GLI3: variants seen among roughly 807,000 people sequenced by gnomAD.
The protein encoded by GLI3 is GLI family zinc finger 3, also known as transcription activator GLI3.
In GLI3, 20 loss-of-function variants were observed where a neutral mutation model predicts 100.8. That is an observed-to-expected ratio of 0.20 (90% CI 0.14 to 0.29). GLI3 has a LOEUF of 0.29. GLI3 is among the 10% of genes least tolerant of loss of function. The probability of loss-of-function intolerance (pLI) is 1.00; values close to 1 mark genes in which losing one functional copy is unlikely to be tolerated. For missense variants in GLI3, 2,040 were observed against 2,128.5 expected (o/e 0.96, Z 0.82); for synonymous variants, 938 against 860.5 (o/e 1.09, Z -1.58).
At chr7:42,199,834 T>C (rs975263121) in intron 2 of GLI3, among the ~76,000 whole-genome samples, 1 of 152,114 alleles carries the variant, frequency 6.6e-6, no homozygotes, top group Non-Finnish European at 1.5e-5. Context: ...GGCAGGCGGA[T>C]CACATAAGGT....
intron 1 of GLI3, among the ~76,000 whole-genome samples, chr7:42,226,343 G>A (rs564312685): frequency 1.3e-5 from 2 of 152,250 alleles, no homozygotes; most frequent in South Asian, 4.1e-4. Flanking sequence ...CAGGAGACAA[G>A]TTCCCAAAAT....
chr7:42,239,445 C>CT (rs1272904836), upstream of GLI3, among the ~76,000 whole-genome samples: 1 of 152,198 alleles, frequency 6.6e-6, no homozygotes, highest in East Asian at 1.9e-4. Flanking sequence ...GCAAGCCACT[C>CT]TTTCCTTTAT....
chr7:42,047,406 G>A (rs375297793), intron 5 of GLI3, among the ~76,000 whole-genome samples: 2 of 152,150 alleles, frequency 1.3e-5, no homozygotes, highest in Admixed American at 6.5e-5. Context: ...CATGGAAGTC[G>A]CATCAAGCAC....
intron 2 of GLI3, among the ~76,000 whole-genome samples, chr7:42,214,380 G>C (rs1415287399): frequency 6.6e-6 from 1 of 151,766 alleles, no homozygotes; most frequent in Non-Finnish European, 1.5e-5. Flanking sequence ...GCGGGATGAA[G>C]CTACCATTTA....
chr7:42,139,866 T>C (rs561050368), intron 3 of GLI3, among the ~76,000 whole-genome samples: 7 of 152,272 alleles, frequency 4.6e-5, no homozygotes, highest in African/African-American at 1.2e-4. Flanking sequence ...GGGTAAGTGA[T>C]TGGGAACCCA....
chr7:42,153,104 T>C (rs570577041), intron 2 of GLI3, among the ~76,000 whole-genome samples: 188 of 152,334 alleles, frequency 1.2e-3, no homozygotes, highest in African/African-American at 3.8e-3. Flanking sequence ...AACAGGCTAA[T>C]GGTGAATTGG....
intron 10 of GLI3, among the ~76,000 whole-genome samples, chr7:41,992,770 G>A (rs1188587602): frequency 9.2e-5 from 14 of 152,102 alleles, no homozygotes; most frequent in African/African-American, 1.4e-4. Context: ...CAAAAGAAGC[G>A]ATTAAGGCAA....
At chr7:42,027,001 C>T (rs1398383299) in intron 7 of GLI3, among the ~76,000 whole-genome samples, 1 of 152,342 alleles carries the variant, frequency 6.6e-6, no homozygotes, top group Middle Eastern at 3.4e-3. Context: ...AACCTCTCCC[C>T]GCTGAAATCA....
At chr7:42,171,887 G>T (rs1787380098) in intron 2 of GLI3, among the ~76,000 whole-genome samples, 2 of 152,112 alleles carry the variant, frequency 1.3e-5, no homozygotes, top group Non-Finnish European at 2.9e-5. Context: ...AAATTTTAAT[G>T]GTATTTGGGG....
At chr7:42,253,253 C>T (rs1379413022) in intron 1 of GLI3, among the ~76,000 whole-genome samples, 9 of 152,252 alleles carry the variant, frequency 5.9e-5, no homozygotes, top group Admixed American at 5.9e-4. Flanking sequence ...GGAATATGAA[C>T]TTCACCAGCA....
chr7:41,997,253 G>C (rs1562676760), intron 10 of GLI3, among the ~76,000 whole-genome samples: 1 of 152,100 alleles, frequency 6.6e-6, no homozygotes, highest in East Asian at 1.9e-4. Flanking sequence ...AAAGAAACCT[G>C]ACATTTTGAG....
At chr7:42,193,057 C>T (rs140262085) in intron 2 of GLI3, among the ~76,000 whole-genome samples, 77 of 152,182 alleles carry the variant, frequency 5.1e-4, no homozygotes, top group African/African-American at 1.7e-3. Context: ...AGGGGGGAAA[C>T]GACCACATCA....
chr7:42,056,672 C>T (rs558426836), intron 4 of GLI3, among the ~76,000 whole-genome samples: 5 of 151,760 alleles, frequency 3.3e-5, no homozygotes, highest in African/African-American at 9.7e-5. Flanking sequence ...GTTTATTGGC[C>T]GGGCATAGTG....
At chr7:42,048,443 G>T in intron 5 of GLI3, 48 bp downstream of exon 5, 2 of 1,218,840 alleles carry the variant, frequency 1.6e-6, no homozygotes, top group Middle Eastern at 2.4e-4. Context: ...GTGAGGAGCG[G>T]GGAGGAGGCT....
intron 1 of GLI3, among the ~76,000 whole-genome samples, chr7:42,260,764 C>T (rs1789129763): frequency 6.6e-6 from 1 of 152,030 alleles, no homozygotes; most frequent in South Asian, 2.1e-4. Flanking sequence ...AACATGGCAA[C>T]AAAAGAATGA....
intron 1 of GLI3, among the ~76,000 whole-genome samples, chr7:42,228,382 C>G (rs1309839409): frequency 2.0e-5 from 3 of 152,206 alleles, no homozygotes; most frequent in Admixed American, 1.3e-4. Context: ...GAAAAAAGGG[C>G]TGGGGGCCAT....
At chr7:41,996,743 C>T (rs1788136193) in intron 10 of GLI3, among the ~76,000 whole-genome samples, 1 of 152,150 alleles carries the variant, frequency 6.6e-6, no homozygotes, top group African/African-American at 2.4e-5. Flanking sequence ...GTAAATGCAG[C>T]TTGCTTTTCA....
chr7:42,180,541 G>A (rs753438599), intron 2 of GLI3, among the ~76,000 whole-genome samples: 7 of 152,238 alleles, frequency 4.6e-5, no homozygotes, highest in Non-Finnish European at 1.0e-4. Flanking sequence ...AGGTGACACA[G>A]GCGGGAGAGA....
chr7:42,152,333 A>G lies in GLI3; in HGVS notation c.125-3865T>C, dbSNP rs551932902. 18 of 914,774 alleles carry G rather than the reference A, an allele frequency of 2.0e-5. No homozygotes were observed. In the East Asian group the frequency reaches 1.7e-3, roughly 84 times the overall value. 56.7% of individuals were successfully genotyped at this position (914,774 alleles called of 1,614,324 possible). A position where few individuals can be genotyped will look rare whatever the true frequency, so the allele number is the denominator to read the frequency against. Reference sequence around the variant, plus strand: ...CAAGACCTAGAAGATGCGGAGTATAAGAGAACAGACAATACTTACAACACA... The same window carrying G: ...CAAGACCTAGAAGATGCGGAGTATAGGAGAACAGACAATACTTACAACACA... On this transcript the variant is annotated intron_variant, in intron 2 of 14. Coordinates refer to ENST00000395925, the MANE Select transcript of GLI3 (RefSeq NM_000168.6).
Sources: allele counts gnomAD v4.1 joint callset (sites outside exome capture counted in the v4.1 genomes callset), GRCh38; gene constraint gnomAD v4.1.1; transcripts MANE v1.5; gene names NCBI Gene and HGNC (gene_info 2026-07-23, HGNC 2026-07-21).